Variants in CATSPERE observed in about 807,000 individuals in gnomAD.
The protein encoded by CATSPERE is catsper channel auxiliary subunit epsilon, also known as cation channel sperm-associated auxiliary subunit epsilon.
CATSPERE carries 93 observed loss-of-function variants against 114.1 expected under a neutral mutation model. That is an observed-to-expected ratio of 0.81 (90% CI 0.69 to 0.97). The LOEUF (loss-of-function observed/expected upper bound fraction) is 0.97. Ranked by LOEUF, CATSPERE falls within the 50% of genes least tolerant of loss-of-function variation. CATSPERE has a pLI of 0.00. For synonymous variants in CATSPERE, 341 were observed against 384.1 expected, an observed-to-expected ratio of 0.89 and a Z score of 1.31; for missense variants, 1,058 against 1,131.6, an observed-to-expected ratio of 0.93 and a Z score of 0.93.
chr1:244,528,806 C>CACACAT (rs1679123760), intron 8 of CATSPERE, among the ~76,000 whole-genome samples: 1 of 151,406 alleles, frequency 6.6e-6, no homozygotes, highest in Non-Finnish European at 1.5e-5. Flanking sequence ...CACACACACA[C>CACACAT]ACACACACAC....
At chr1:244,563,813 T>A (rs1379862119) in intron 10 of CATSPERE, among the ~76,000 whole-genome samples, 1 of 152,240 alleles carries the variant, frequency 6.6e-6, no homozygotes. Flanking sequence ...TTTGGTGTTT[T>A]AGTCATGAAT....
chr1:244,508,490 A>G (rs1159037490), intron 7 of CATSPERE, among the ~76,000 whole-genome samples: 5 of 151,256 alleles, frequency 3.3e-5, no homozygotes, highest in Admixed American at 6.6e-5. Flanking sequence ...TTTAGTAGAG[A>G]TGGGGTTTCA....
At chr1:244,509,429 A>G (rs1675346597) in intron 7 of CATSPERE, among the ~76,000 whole-genome samples, 1 of 152,016 alleles carries the variant, frequency 6.6e-6, no homozygotes. Context: ...GATGAATCTC[A>G]CCTGATCATG....
chr1:244,577,541 C>G (rs573686459), intron 11 of CATSPERE, among the ~76,000 whole-genome samples: 1 of 152,156 alleles, frequency 6.6e-6, no homozygotes, highest in Non-Finnish European at 1.5e-5. Flanking sequence ...GATCAAGATG[C>G]CAGCAGACTT....
chr1:244,537,203 C>T (rs1680519527), intron 8 of CATSPERE, among the ~76,000 whole-genome samples: 1 of 152,120 alleles, frequency 6.6e-6, no homozygotes, highest in African/African-American at 2.4e-5. Context: ...TTAAGAAGGT[C>T]CCCTCTGTTG....
rs1193883039 is a variant in CATSPERE at position 244,550,166 on chromosome 1, A to G, written c.537-2156A>G. ...TTTGGACTTGGACTGGAACTACACC[A>G]CTGGCTTTACTGGGCCTCCAATCTA... On this transcript the variant is annotated intron_variant, in intron 8 of 21. Transcript: ENST00000366534. Among the ~76,000 whole-genome samples, 5 of 152,040 alleles carry G rather than the reference A, an allele frequency of 3.3e-5. No individual in the cohort carries two copies. The South Asian group carries it at 1.0e-3, about 32-fold the overall frequency.
At chr1:244,567,403 G>T (rs553715860) in intron 10 of CATSPERE, among the ~76,000 whole-genome samples, 18 of 152,246 alleles carry the variant, frequency 1.2e-4, no homozygotes, top group Admixed American at 9.8e-4. Flanking sequence ...GTCTTGTTAG[G>T]TTGGGGAACT....
At position 244,572,348 on chromosome 1, in the gene CATSPERE, T is replaced by G. The variant is rs1414953859; in HGVS notation, c.1526T>G (p.Leu509Trp). ...TTTCCAGATTATTATGGAGATATTT[T>G]GGTAAAAATGGAAAATAATGTAATA... ...EVFIDYYGDI[L>W]VKMENNVIFY... The change falls in exon 11 of 22, where the codon TTG becomes TGG. Residue 509 changes from leucine to tryptophan, a missense_variant. Transcript: ENST00000366534. 1 of 1,443,100 alleles carries G rather than the reference T, an allele frequency of 6.9e-7. No homozygotes were observed. Among genetic ancestry groups the G allele is most frequent in the Admixed American group, 1.9e-5 (1 of 53,882 alleles). The allele number at this position is 1,443,100 out of a possible 1,614,324, so 89.4% of individuals were successfully genotyped here. A position where few individuals can be genotyped will look rare whatever the true frequency, so the allele number is the denominator to read the frequency against.
rs746360167 is a variant in CATSPERE at position 244,588,518 on chromosome 1, T to C, written c.2122T>C (p.Phe708Leu). 5.8e-5 allele frequency: 94 copies of C among 1,610,790 alleles called. No individual in the cohort carries two copies. Among genetic ancestry groups the C allele is most frequent in the Non-Finnish European group, 7.8e-5 (92 of 1,177,150 alleles). Residue 708 changes from phenylalanine (F) to leucine (L), a missense_variant, in exon 14 of 22, where the codon TTC (phenylalanine) becomes CTC (leucine). Physicochemically the swap from Phe to Leu is conservative, Grantham distance 22. This residue lies in a region of CATSPERE where 787 missense variants were observed against 905.6 expected (regional missense o/e 0.87). Coordinates refer to ENST00000366534, the MANE Select transcript of CATSPERE (RefSeq NM_001130957.2). ...AGCTGTTGGCTGTGATGATAAAAAA[T>C]TCATTGCAATTAAAGGGTAAGTATA... is the stretch of plus-strand genomic sequence containing the variant. ...QIAVGCDDKKFIAIKGFSKKG... is the reference protein window; with the variant it reads ...QIAVGCDDKKLIAIKGFSKKG...
Position 244,555,765 on chromosome 1 carries a change from C to T in CATSPERE, c.1029+2951C>T, listed in dbSNP as rs1240688349. ...TATAAAATCAGCATACAAAAATCAG[C>T]AGCATTTCTATACACTAATAATGAA... On this transcript the variant is annotated intron_variant, in intron 9 of 21. Transcript: ENST00000366534. Among the ~76,000 whole-genome samples the T allele has an allele frequency of 2.6e-5, 4 of 152,278 alleles. No homozygotes were observed. In the East Asian group the frequency reaches 5.8e-4, roughly 22 times the overall value.
chr1:244,479,625 A>G, intron 4 of CATSPERE, 92 bp from the exon 5 acceptor site: 3 of 623,660 alleles, frequency 4.8e-6, no homozygotes, highest in Middle Eastern at 2.6e-4. Flanking sequence ...GTGGATAAGT[A>G]ACTTACTTCC....
chr1:244,528,368 C>T (rs76169004), intron 8 of CATSPERE, among the ~76,000 whole-genome samples: 16 of 152,054 alleles, frequency 1.1e-4, no homozygotes, highest in African/African-American at 3.9e-4. Flanking sequence ...ATCTCACAAG[C>T]ATAATATGGA....
intron 8 of CATSPERE, among the ~76,000 whole-genome samples, chr1:244,519,109 A>G (rs12057340): frequency 0.03 from 4,600 of 152,296 alleles, 230 homozygotes; most frequent in African/African-American, 0.1. Flanking sequence ...CAAGGTATAG[A>G]CAGACTTTCT....
At chr1:244,488,250 C>A (rs1232014512) in intron 5 of CATSPERE, among the ~76,000 whole-genome samples, 2 of 152,108 alleles carry the variant, frequency 1.3e-5, no homozygotes, top group East Asian at 3.8e-4. Flanking sequence ...TTTTTTTGAT[C>A]CTCTTACTGT....
In CATSPERE at chr1:244,633,685, T is replaced by G. The variant is rs1037711686; in HGVS notation, c.2649-1804T>G. ...CTACTTTCCTCTACATGCACCAAGA[T>G]ATTTCCTCATTATCCCTTAAACCTC... On this transcript the variant is annotated intron_variant, in intron 20 of 21. Coordinates refer to ENST00000366534, the MANE Select transcript of CATSPERE (RefSeq NM_001130957.2). This position sits in a 1 kb window ranked among gnomAD's most constrained non-coding sequence, Gnocchi z 4.1. Among the ~76,000 whole-genome samples the G allele has an allele frequency of 1.1e-4, 17 of 151,994 alleles. No homozygotes were observed. The highest frequency in any genetic ancestry group is 3.9e-4 in the African/African-American group (16 of 41,364).
At chr1:244,551,265 C>G (rs371765935) in intron 8 of CATSPERE, among the ~76,000 whole-genome samples, 49 of 152,254 alleles carry the variant, frequency 3.2e-4, no homozygotes, top group Admixed American at 2.8e-3. Flanking sequence ...AGCATGAGAT[C>G]CTGTAAATGG....
At position 244,552,002 on chromosome 1, in the gene CATSPERE, C is replaced by T. The variant is rs537545220; in HGVS notation, c.537-320C>T. On this transcript the variant is annotated intron_variant, in intron 8 of 21. Transcript: ENST00000366534. ...TGGCATGAGCCCGAGAGGCAGAGCTCGCAGCGAGCCCAGATCGCACCACTG... is the reference window on the plus strand; with the variant it reads ...TGGCATGAGCCCGAGAGGCAGAGCTTGCAGCGAGCCCAGATCGCACCACTG... Among the ~76,000 whole-genome samples the T allele has an allele frequency of 7.7e-5, 11 of 143,362 alleles. No homozygotes were observed. In the East Asian group the frequency reaches 2.3e-3, roughly 30 times the overall value. 94.1% of individuals were successfully genotyped at this position (143,362 alleles called of 152,430 possible).
Position 244,553,614 on chromosome 1 carries a change from C to CACACACACATATATACAT in CATSPERE, c.1029+809_1029+810insTATATACATACACACACA, listed in dbSNP as rs1342070000. Among the ~76,000 whole-genome samples the CACACACACATATATACAT allele has an allele frequency of 1.0e-3, 137 of 132,660 alleles. 2 individuals are homozygous for CACACACACATATATACAT. Among genetic ancestry groups the CACACACACATATATACAT allele is most frequent in the African/African-American group, 4.6e-3 (133 of 29,100 alleles). The allele number at this position is 132,660 out of a possible 152,430, so 87.0% of individuals were successfully genotyped here. ...AAAAAAAAAAAAATACACACACACA[C>CACACACACATATATACAT]ACACACACACACACACACACACACA... On this transcript the variant is annotated intron_variant, in intron 9 of 21. Coordinates refer to ENST00000366534, the MANE Select transcript of CATSPERE (RefSeq NM_001130957.2).
intron 2 of CATSPERE, among the ~76,000 whole-genome samples, chr1:244,471,999 G>C (rs150176034): frequency 6.6e-6 from 1 of 152,118 alleles, no homozygotes; most frequent in Non-Finnish European, 1.5e-5. Flanking sequence ...TAACTCTGTT[G>C]CCTAGCGTGG....
Sources: gnomAD v4.1 joint callset for allele counts (sites outside exome capture counted in the v4.1 genomes callset) on GRCh38, gnomAD v4.1.1 for gene constraint, gnomAD v4.1.1 regional missense constraint, Gnocchi (gnomAD v3.1) non-coding constraint, MANE v1.5 for transcripts, NCBI Gene and HGNC (gene_info 2026-07-23, HGNC 2026-07-21) for gene names.